Variants in PHC1 observed in about 807,000 individuals in gnomAD.
The protein encoded by PHC1 is polyhomeotic-like protein 1.
Under a neutral mutation model 104.3 loss-of-function variants are expected in PHC1, and 12 were observed. The ratio of observed to expected loss-of-function variants is 0.12; its 90% CI spans 0.07 to 0.19. The LOEUF (loss-of-function observed/expected upper bound fraction) is 0.19, where lower values mean the gene tolerates loss of function less well. Among genes scored for constraint, PHC1 ranks in the 10% least tolerant of loss-of-function variants. The probability of loss-of-function intolerance (pLI) is 1.00; values close to 1 mark genes in which losing one functional copy is unlikely to be tolerated. For missense variants in PHC1, 671 were observed against 1,200.0 expected (o/e 0.56, Z 6.51); for synonymous variants, 302 against 455.8 (o/e 0.66, Z 4.30).
intron 4 of PHC1, 105 bp from the exon 5 acceptor site, chr12:8,921,496 T>G (rs1200046751): frequency 5.0e-6 from 5 of 992,814 alleles, no homozygotes; most frequent in Non-Finnish European, 7.6e-6. Flanking sequence ...TCCATGAAAG[T>G]GAAATACTCT....
At chr12:8,929,281 A>C (rs1176961330) in intron 6 of PHC1, among the ~76,000 whole-genome samples, 1 of 152,272 alleles carries the variant, frequency 6.6e-6, no homozygotes, top group African/African-American at 2.4e-5. Context: ...TGAAGGTGCT[A>C]GCAATATAAC....
intron 6 of PHC1, among the ~76,000 whole-genome samples, chr12:8,926,512 T>C (rs1945515846): frequency 6.6e-6 from 1 of 151,936 alleles, no homozygotes; most frequent in Non-Finnish European, 1.5e-5. Flanking sequence ...CCCAGTTAAC[T>C]TGGGAGGCTG....
intron 6 of PHC1, among the ~76,000 whole-genome samples, chr12:8,923,674 C>A (rs1945429118): frequency 6.6e-6 from 1 of 151,510 alleles, no homozygotes; most frequent in East Asian, 1.9e-4. Context: ...TAAAAAAATA[C>A]AAAAAATTAG....
chr12:8,921,556 A>G (rs372096094), intron 4 of PHC1, 45 bp from the exon 5 acceptor site: 2 of 1,593,518 alleles, frequency 1.3e-6, no homozygotes, highest in Non-Finnish European at 8.6e-7. Context: ...CTTTCCTTTT[A>G]CTTCTCCCAA....
In PHC1 at chr12:8,937,247, A is replaced by G. The variant is rs1292071769; in HGVS notation, c.2549A>G (p.Tyr850Cys). ...KKMKEFQEAN[Y>C]ARVRRRGPRR... ...ATGAAAGAGTTTCAAGAAGCCAACT[A>G]TGCTCGCGTTCGCAGGCGTGGACCC... The change falls in exon 13 of 15, where the codon TAT becomes TGT. Residue 850 changes from tyrosine to cysteine, a missense_variant. Tyr to Cys is a radical substitution (Grantham distance 194). This residue lies in a region of PHC1 where 192 missense variants were observed against 280.5 expected (regional missense o/e 0.68). Coordinates refer to ENST00000544916, the MANE Select transcript of PHC1 (RefSeq NM_004426.3). 17 of 1,613,278 alleles carry G rather than the reference A, an allele frequency of 1.1e-5. No individual in the cohort carries two copies. Among genetic ancestry groups the G allele is most frequent in the Non-Finnish European group, 1.4e-5 (16 of 1,179,478 alleles).
chr12:8,919,311 TA>T lies in PHC1; in HGVS notation c.115-444del, dbSNP rs1301752125. ...CCCGACCTCAGGTGATCTGCCCTCC[TA>T]GGCCTCCCAAAGTGCTGGGATTACA... On this transcript the variant is annotated intron_variant, in intron 2 of 14. Transcript: ENST00000544916. The surrounding 1 kb of genome is among the most constrained non-coding windows in gnomAD (Gnocchi z 4.9). Among the ~76,000 whole-genome samples, 1 of 152,072 alleles carries T rather than the reference TA, an allele frequency of 6.6e-6. No homozygotes were observed. The highest frequency in any genetic ancestry group is 2.4e-5 in the African/African-American group (1 of 41,432).
intron 11 of PHC1, among the ~76,000 whole-genome samples, chr12:8,936,386 A>T (rs1430522685): frequency 1.3e-5 from 2 of 151,578 alleles, no homozygotes; most frequent in East Asian, 3.9e-4. Flanking sequence ...TCTCAAAAAA[A>T]TTTTTTTTTC....
intron 14 of PHC1, 27 bp downstream of exon 14, chr12:8,938,087 C>T (rs1381071573): frequency 6.5e-7 from 1 of 1,544,724 alleles, no homozygotes; most frequent in Non-Finnish European, 8.9e-7. Context: ...CAACAGAACC[C>T]AGGTTGTTTT....
Position 8,934,009 on chromosome 12 carries a change from G to A in PHC1, c.2038G>A (p.Gly680Arg), listed in dbSNP as rs1406931382. 1.9e-6 allele frequency: 3 copies of A among 1,614,066 alleles called. No homozygotes were observed. The highest frequency in any genetic ancestry group is 1.6e-4 in the Middle Eastern group (1 of 6,062). ...PKVMDEKSSLGEKAESVANVN... is the reference protein window; with the variant it reads ...PKVMDEKSSLREKAESVANVN... Reference sequence around the variant, plus strand: ...AGTCATGGACGAGAAGAGCAGTCTTGGAGGTGAGTAACTGACTTCTAATGC... The same window carrying A: ...AGTCATGGACGAGAAGAGCAGTCTTAGAGGTGAGTAACTGACTTCTAATGC... Residue 680 changes from glycine to arginine, a missense_variant, in exon 9 of 15, where the codon GGA becomes AGA. This residue lies in a region of PHC1 where 95 missense variants were observed against 108.8 expected (regional missense o/e 0.87). Coordinates refer to ENST00000544916, the MANE Select transcript of PHC1 (RefSeq NM_004426.3).
chr12:8,917,839 G>A, intron 2 of PHC1, 48 bp downstream of exon 2: 1 of 984,794 alleles, frequency 1.0e-6, no homozygotes, highest in Non-Finnish European at 1.5e-6. Context: ...TTGGCTTGTG[G>A]TAGGCAGTGA....
chr12:8,930,660 G>T lies in PHC1; in HGVS notation c.838G>T (p.Gly280Cys). The T allele has an allele frequency of 7.1e-7, 1 of 1,410,632 alleles. No individual in the cohort carries two copies. 87.4% of individuals were successfully genotyped at this position (1,410,632 alleles called of 1,614,324 possible). Residue 280 changes from glycine to cysteine, a missense_variant, in exon 7 of 15, where the codon GGT (glycine) becomes TGT (cysteine). Around this residue, in one of 9 missense-constraint regions of PHC1, gnomAD observed 78 missense variants for 140.8 expected, o/e 0.55. Coordinates refer to ENST00000544916, the MANE Select transcript of PHC1 (RefSeq NM_004426.3). ...GSGNSIPGSM[G>C]PGGGGQAHGG... The stretch of plus-strand genomic sequence containing the variant: ...TGGGAATAGCATCCCAGGGTCCATG[G>T]GTCCAGGTGGAGGTGGGCAGGCACA...
chr12:8,930,965 T>C (rs769137320), intron 7 of PHC1, 38 bp downstream of exon 7: 1 of 1,551,430 alleles, frequency 6.4e-7, no homozygotes, highest in East Asian at 2.3e-5. Flanking sequence ...TCTCTCAGAA[T>C]TCATGTGAAA....
intron 2 of PHC1, among the ~76,000 whole-genome samples, chr12:8,918,485 C>CT (rs975952044): frequency 1.9e-4 from 29 of 150,674 alleles, no homozygotes; most frequent in African/African-American, 3.2e-4. Context: ...ACATTTTCTT[C>CT]TTTTTTTTTT....
Position 8,919,934 on chromosome 12 carries a change from T to G in PHC1, c.225+68T>G. On this transcript the variant is annotated intron_variant, in intron 3 of 14. Coordinates refer to ENST00000544916, the MANE Select transcript of PHC1 (RefSeq NM_004426.3). This position sits in a 1 kb window ranked among gnomAD's most constrained non-coding sequence, Gnocchi z 4.9. ...GCACTACAGGTGGGTAGGGGAGATTTTTTGGGCATATAGCATCCTATACTA... is the reference window on the plus strand; with the variant it reads ...GCACTACAGGTGGGTAGGGGAGATTGTTTGGGCATATAGCATCCTATACTA... 6.4e-7 allele frequency: 1 copy of G among 1,560,794 alleles called. No homozygotes were observed. The highest frequency in any genetic ancestry group is 1.2e-5 in the South Asian group (1 of 85,244).
At chr12:8,929,958 T>C (rs1289394438) in intron 6 of PHC1, among the ~76,000 whole-genome samples, 2 of 152,198 alleles carry the variant, frequency 1.3e-5, no homozygotes, top group Non-Finnish European at 2.9e-5. Flanking sequence ...TCCCTAGTCT[T>C]AGTTGATATT....
Position 8,930,812 on chromosome 12 carries a change from G to C in PHC1, c.990G>C (p.Glu330Asp), listed in dbSNP as rs1429402404. The C allele has an allele frequency of 1.3e-6, 2 of 1,541,056 alleles. No individual in the cohort carries two copies. The highest frequency in any genetic ancestry group is 1.2e-5 in the South Asian group (1 of 83,966). ...CTGTGAGCCAGGGCAGCCAGACAGA[G>C]GCAGAAAGTGCAGCAGCCAAGAAGG... is the stretch of plus-strand genomic sequence containing the variant. ...TVTVSQGSQTEAESAAAKKAE... is the reference protein window; with the variant it reads ...TVTVSQGSQTDAESAAAKKAE... The change falls in exon 7 of 15, where the codon GAG (glutamate) becomes GAC (aspartate). Residue 330 changes from glutamate (E) to aspartate (D), a missense_variant. Glu to Asp is a conservative substitution (Grantham distance 45). Around this residue, in one of 9 missense-constraint regions of PHC1, gnomAD observed 78 missense variants for 140.8 expected, o/e 0.55. Coordinates refer to ENST00000544916, the MANE Select transcript of PHC1 (RefSeq NM_004426.3).
chr12:8,936,138 T>C (rs892571301), intron 11 of PHC1, among the ~76,000 whole-genome samples: 3 of 151,826 alleles, frequency 2.0e-5, no homozygotes, highest in Non-Finnish European at 4.4e-5. Flanking sequence ...TCCAGTACTT[T>C]GGGAGGCCAA....
In PHC1 at chr12:8,917,799, T is replaced by C. The variant is rs1188274085; in HGVS notation, c.114+8T>C. ...GAACGACAAGCAGTGCAGGTGAGAC[T>C]CAGCTCTGAGGGGCCATGGTCTGTG... On this transcript the variant is annotated splice_region_variant and intron_variant, in intron 2 of 14. Transcript: ENST00000544916. The C allele has an allele frequency of 7.5e-6, 11 of 1,457,968 alleles. No individual in the cohort carries two copies. Among genetic ancestry groups the C allele is most frequent in the Middle Eastern group, 1.7e-4 (1 of 5,792 alleles). The allele number at this position is 1,457,968 out of a possible 1,614,324, so 90.3% of individuals were successfully genotyped here.
In PHC1 at chr12:8,932,510, T is replaced by G. The variant is rs1457571522; in HGVS notation, c.1106-53T>G. 8.9e-6 allele frequency: 14 copies of G among 1,574,528 alleles called. No homozygotes were observed. In the East Asian group the frequency reaches 2.7e-4, roughly 30 times the overall value. ...GAATTTACTTTTAATTTAGAATGAT[T>G]ATTATTCTCTGCTCTTTTTTCTCTC... On this transcript the variant is annotated intron_variant, in intron 7 of 14. Transcript: ENST00000544916.
Sources: gnomAD v4.1 joint callset for allele counts (sites outside exome capture counted in the v4.1 genomes callset) on GRCh38, gnomAD v4.1.1 for gene constraint, gnomAD v4.1.1 regional missense constraint, Gnocchi (gnomAD v3.1) non-coding constraint, MANE v1.5 for transcripts, NCBI Gene and HGNC (gene_info 2026-07-23, HGNC 2026-07-21) for gene names.